CADPS2: variants seen among roughly 807,000 people sequenced by gnomAD.
CADPS2 encodes the protein calcium-dependent secretion activator 2.
Under a neutral mutation model 172.5 loss-of-function variants are expected in CADPS2, and 93 were observed. The ratio of observed to expected loss-of-function variants is 0.54; its 90% CI spans 0.46 to 0.64. The LOEUF is 0.64. CADPS2 is among the 30% of genes least tolerant of loss of function. CADPS2 has a pLI of 0.00. For synonymous variants in CADPS2, 546 were observed against 555.2 expected, an observed-to-expected ratio of 0.98 and a Z score of 0.23; for missense variants, 1,420 against 1,565.9, an observed-to-expected ratio of 0.91 and a Z score of 1.57.
chr7:122,364,073 T>A (rs182013161), intron 25 of CADPS2, among the ~76,000 whole-genome samples: 63 of 152,208 alleles, frequency 4.1e-4, no homozygotes, highest in Admixed American at 1.2e-3. Flanking sequence ...GCTACAGAAC[T>A]GTAAGAATTA....
At chr7:122,867,228 T>A (rs6973517) in intron 1 of CADPS2, among the ~76,000 whole-genome samples, 5,939 of 152,130 alleles carry the variant, frequency 0.039, 174 homozygotes, top group Non-Finnish European at 0.061. Context: ...GCTTAATCCA[T>A]CTCCTCTACT....
intron 6 of CADPS2, among the ~76,000 whole-genome samples, chr7:122,610,431 G>T (rs2074149847): frequency 7.4e-6 from 1 of 134,802 alleles, no homozygotes; most frequent in African/African-American, 2.6e-5. Flanking sequence ...ACTACGATAA[G>T]CAAAAAAAAA....
rs189920551 is a variant in CADPS2 at position 122,869,903 on chromosome 7, T to C, written c.339+16096A>G. ...TCAGCTTTAAACAGCCTGTTATTAG[T>C]ATAAAATGTTTTATGGTAGCCTCAT... On this transcript the variant is annotated intron_variant, in intron 1 of 29. Coordinates refer to ENST00000449022, the MANE Select transcript of CADPS2 (RefSeq NM_017954.11). Among the ~76,000 whole-genome samples the C allele has an allele frequency of 3.4e-4, 51 of 152,180 alleles. No homozygotes were observed. The South Asian group carries it at 6.4e-3, about 19-fold the overall frequency.
chr7:122,465,704 C>A (rs1421398636), intron 14 of CADPS2, among the ~76,000 whole-genome samples: 1 of 152,020 alleles, frequency 6.6e-6, no homozygotes, highest in Non-Finnish European at 1.5e-5. Context: ...TCGCTGGTGC[C>A]AAAAAGGTTG....
At chr7:122,490,960 TTATAA>T (rs1233768406) in intron 10 of CADPS2, among the ~76,000 whole-genome samples, 3 of 152,114 alleles carry the variant, frequency 2.0e-5, no homozygotes, top group African/African-American at 7.2e-5. Flanking sequence ...AAATTAGTAG[TTATAA>T]TATAATAATT....
chr7:122,688,350 T>C (rs1564068204), intron 2 of CADPS2, among the ~76,000 whole-genome samples: 1 of 152,240 alleles, frequency 6.6e-6, no homozygotes, highest in Non-Finnish European at 1.5e-5. Context: ...TGCCTTCATT[T>C]ATATTTTCAC....
chr7:122,580,464 A>AG (rs1055690854), intron 7 of CADPS2, among the ~76,000 whole-genome samples: 1 of 151,660 alleles, frequency 6.6e-6, no homozygotes, highest in African/African-American at 2.4e-5. Context: ...AAAAAAAAAA[A>AG]AAACCCATTA....
At chr7:122,678,877 C>T (rs201689558) in intron 2 of CADPS2, among the ~76,000 whole-genome samples, 9 of 110,094 alleles carry the variant, frequency 8.2e-5, no homozygotes, top group Admixed American at 1.8e-4. Flanking sequence ...CATGGCAGAA[C>T]ATAAATTGTG....
intron 1 of CADPS2, among the ~76,000 whole-genome samples, chr7:122,884,411 C>T (rs768471172): frequency 1.3e-5 from 2 of 152,074 alleles, no homozygotes; most frequent in Non-Finnish European, 2.9e-5. Flanking sequence ...AAAAACACCG[C>T]GGGGCATTCA....
chr7:122,583,938 A>G (rs990610365), intron 6 of CADPS2, among the ~76,000 whole-genome samples: 1 of 151,396 alleles, frequency 6.6e-6, no homozygotes, highest in African/African-American at 2.4e-5. Flanking sequence ...AGTTTATGAA[A>G]CATTTCCCTA....
intron 28 of CADPS2, among the ~76,000 whole-genome samples, chr7:122,343,036 C>T (rs986606105): frequency 2.0e-5 from 3 of 152,126 alleles, no homozygotes; most frequent in Non-Finnish European, 4.4e-5. Context: ...TTCTACTTTG[C>T]CTTTCAACAC....
intron 7 of CADPS2, among the ~76,000 whole-genome samples, chr7:122,569,133 C>T: frequency 6.6e-6 from 1 of 152,090 alleles, no homozygotes; most frequent in Admixed American, 6.6e-5. Context: ...TAGAAAACCC[C>T]ATCATCTCAG....
chr7:122,880,072 T>C (rs1822466526), intron 1 of CADPS2, among the ~76,000 whole-genome samples: 1 of 152,214 alleles, frequency 6.6e-6, no homozygotes, highest in South Asian at 2.1e-4. Flanking sequence ...CCTGTACGCA[T>C]TACTACTACA....
Position 122,823,523 on chromosome 7 carries a change from G to A in CADPS2, c.339+62476C>T, listed in dbSNP as rs2428906. ...TGTGCATAGAAGTCTCTTGGAGAGC[G>A]TGCTTATAGGCAGATTCTAATTCAG... is the stretch of plus-strand genomic sequence containing the variant. On this transcript the variant is annotated intron_variant, in intron 1 of 29. Transcript: ENST00000449022. Among the ~76,000 whole-genome samples, 212 of 151,852 alleles carry A rather than the reference G, an allele frequency of 1.4e-3. 1 individual carries two copies. The highest frequency in any genetic ancestry group is 4.5e-3 in the Admixed American group (68 of 15,266).
intron 15 of CADPS2, among the ~76,000 whole-genome samples, chr7:122,450,443 A>T (rs917451547): frequency 2.6e-5 from 4 of 151,852 alleles, no homozygotes; most frequent in African/African-American, 9.6e-5. Context: ...ACTAACTATA[A>T]CCAGGAGAAA....
intron 13 of CADPS2, 132 bp downstream of exon 13, chr7:122,474,249 T>C (rs1379148888): frequency 1.3e-5 from 13 of 979,162 alleles, no homozygotes; most frequent in Non-Finnish European, 1.9e-5. Context: ...ACTACCCTTA[T>C]TAAATGAGTC....
intron 9 of CADPS2, among the ~76,000 whole-genome samples, chr7:122,509,475 A>G (rs2059861018): frequency 6.6e-6 from 1 of 152,214 alleles, no homozygotes; most frequent in Non-Finnish European, 1.5e-5. Flanking sequence ...ACGTCTACTC[A>G]GTTTCCAATG....
At chr7:122,654,137 A>G (rs2079480314) in intron 3 of CADPS2, among the ~76,000 whole-genome samples, 1 of 152,218 alleles carries the variant, frequency 6.6e-6, no homozygotes, top group South Asian at 2.1e-4. Context: ...GTGTAGAAGA[A>G]AAGTTTGAAG....
At chr7:122,816,202 G>T in intron 1 of CADPS2, among the ~76,000 whole-genome samples, 1 of 107,532 alleles carries the variant, frequency 9.3e-6, no homozygotes, top group African/African-American at 3.6e-5. Flanking sequence ...ATCTTTCCCA[G>T]CCTCTTCTAA....
Sources: gnomAD v4.1 joint callset for allele counts (sites outside exome capture counted in the v4.1 genomes callset) on GRCh38, gnomAD v4.1.1 for gene constraint, MANE v1.5 for transcripts, NCBI Gene and HGNC (gene_info 2026-07-23, HGNC 2026-07-21) for gene names.